Variants in PCDH15 observed in about 807,000 individuals in gnomAD.
PCDH15 encodes the protein protocadherin related 15.
A neutral mutation model predicts 178.5 loss-of-function variants in PCDH15; 129 were observed. That is an observed-to-expected ratio of 0.72 (90% CI 0.63 to 0.84). The LOEUF (loss-of-function observed/expected upper bound fraction) is 0.84, where lower values mean the gene tolerates loss of function less well. Ranked by LOEUF, PCDH15 falls within the 40% of genes least tolerant of loss-of-function variation. The pLI is 0.00. For missense variants in PCDH15, 2,230 were observed against 2,099.9 expected (o/e 1.06, Z -1.21); for synonymous variants, 800 against 732.0 (o/e 1.09, Z -1.50).
chr10:55,249,261 A>G (rs1463985699), intron 1 of PCDH15, among the ~76,000 whole-genome samples: 1 of 152,214 alleles, frequency 6.6e-6, no homozygotes, highest in Admixed American at 6.5e-5. Flanking sequence ...ATCTCTAGAT[A>G]GATAAAGGAC....
At chr10:55,029,766 G>T (rs1350444310) in intron 2 of PCDH15, among the ~76,000 whole-genome samples, 1 of 152,052 alleles carries the variant, frequency 6.6e-6, no homozygotes, top group African/African-American at 2.4e-5. Context: ...ACACTTCTAT[G>T]TAGACAATGA....
intron 3 of PCDH15, among the ~76,000 whole-genome samples, chr10:54,857,794 C>G (rs985199232): frequency 6.6e-6 from 1 of 152,084 alleles, no homozygotes; most frequent in African/African-American, 2.4e-5. Context: ...TTATTTCACT[C>G]TTAGTGCATG....
At chr10:55,122,378 T>C (rs920805978) in intron 2 of PCDH15, among the ~76,000 whole-genome samples, 6 of 152,110 alleles carry the variant, frequency 3.9e-5, no homozygotes, top group African/African-American at 1.2e-4. Flanking sequence ...TTAAGTTGTG[T>C]AAGGATAGGA....
At chr10:54,240,557 C>T (rs1026927699) in intron 8 of PCDH15, among the ~76,000 whole-genome samples, 3 of 150,430 alleles carry the variant, frequency 2.0e-5, no homozygotes, top group African/African-American at 4.9e-5. Context: ...AAGAGAATAA[C>T]AGATGGTGTG....
intron 1 of PCDH15, among the ~76,000 whole-genome samples, chr10:54,718,309 G>A (rs2095505776): frequency 6.6e-6 from 1 of 152,020 alleles, no homozygotes; most frequent in African/African-American, 2.4e-5. Context: ...CAACAGACAA[G>A]TCAACAGCAG....
At chr10:54,161,566 A>G (rs1369424413) in intron 13 of PCDH15, among the ~76,000 whole-genome samples, 3 of 147,134 alleles carry the variant, frequency 2.0e-5, no homozygotes, top group African/African-American at 4.9e-5. Flanking sequence ...TGGTCTTTGA[A>G]TAAACACAGA....
chr10:54,298,350 T>C (rs2059927608), intron 8 of PCDH15, among the ~76,000 whole-genome samples: 1 of 152,178 alleles, frequency 6.6e-6, no homozygotes. Context: ...CTTGGTGTTC[T>C]ATAATAGGGA....
At chr10:55,524,071 T>TTA (rs1841247872) in intron 2 of PCDH15, among the ~76,000 whole-genome samples, 1 of 151,230 alleles carries the variant, frequency 6.6e-6, no homozygotes, top group Non-Finnish European at 1.5e-5. Context: ...TTTTTTTTTT[T>TTA]AGCAGCATTT....
chr10:54,516,827 A>C (rs1589831507), intron 3 of PCDH15, among the ~76,000 whole-genome samples: 1 of 152,228 alleles, frequency 6.6e-6, no homozygotes, highest in East Asian at 1.9e-4. Flanking sequence ...TGGGTTACCC[A>C]CAAAGGGAAG....
intron 20 of PCDH15, among the ~76,000 whole-genome samples, chr10:54,009,133 T>C (rs983587657): frequency 6.6e-6 from 1 of 152,026 alleles, no homozygotes; most frequent in African/African-American, 2.4e-5. Context: ...AAGAGAGGTA[T>C]GAAAAGAAAA....
chr10:53,831,935 C>T (rs1465771117), intron 29 of PCDH15, among the ~76,000 whole-genome samples: 1 of 152,006 alleles, frequency 6.6e-6, no homozygotes, highest in Non-Finnish European at 1.5e-5. Context: ...TTCAGGATAA[C>T]CCTGTAAAGA....
At chr10:54,537,013 T>TTTTTC (rs2084623403) in intron 2 of PCDH15, among the ~76,000 whole-genome samples, 1 of 144,946 alleles carries the variant, frequency 6.9e-6, no homozygotes, top group Non-Finnish European at 1.5e-5. Flanking sequence ...TTTTTTTTTT[T>TTTTTC]TTTTTGAGAC....
intron 25 of PCDH15, among the ~76,000 whole-genome samples, chr10:53,918,807 G>T (rs917751642): frequency 5.3e-5 from 8 of 151,142 alleles, no homozygotes; most frequent in African/African-American, 1.9e-4. Context: ...AATAGATTAC[G>T]GCAAAATTAG....
rs575982179 is a variant in PCDH15 at position 55,021,190 on chromosome 10, C to T, written c.-79-123690G>A. ...AATTTCAACATTCTTTATATCTAAC[C>T]TTTGTTCAGTTCAATCTATCTTGTT... On this transcript the variant is annotated intron_variant, in intron 2 of 5. Transcript: ENST00000458638. Among the ~76,000 whole-genome samples, 29 of 152,244 alleles carry T rather than the reference C, an allele frequency of 1.9e-4. No individual in the cohort carries two copies. The South Asian group carries it at 5.8e-3, about 31-fold the overall frequency.
rs895566841 is a variant in PCDH15 at position 54,443,402 on chromosome 10, GC to G, written c.158-64461del. Among the ~76,000 whole-genome samples, 6 of 151,074 alleles carry G rather than the reference GC, an allele frequency of 4.0e-5. No homozygotes were observed. In the South Asian group the frequency reaches 8.3e-4, roughly 21 times the overall value. ...ATATTAGATGTTGGTAGATATAGAGGCCCATCCTTTAATAAACATCTATGTG... is the reference window on the plus strand; with the variant it reads ...ATATTAGATGTTGGTAGATATAGAGGCCATCCTTTAATAAACATCTATGTG... On this transcript the variant is annotated intron_variant, in intron 3 of 37. Transcript: ENST00000644397.
chr10:54,970,234 C>A (rs757290014), intron 2 of PCDH15, among the ~76,000 whole-genome samples: 1 of 152,134 alleles, frequency 6.6e-6, no homozygotes, highest in Non-Finnish European at 1.5e-5. Context: ...AAATAAATTT[C>A]TGTTTATATA....
intron 2 of PCDH15, among the ~76,000 whole-genome samples, chr10:54,546,747 A>G (rs1469931459): frequency 6.6e-6 from 1 of 152,216 alleles, no homozygotes; most frequent in African/African-American, 2.4e-5. Context: ...CCTTGTTATC[A>G]GTGTCACACA....
chr10:54,222,696 A>C (rs2052979050), intron 9 of PCDH15, among the ~76,000 whole-genome samples: 1 of 152,158 alleles, frequency 6.6e-6, no homozygotes, highest in African/African-American at 2.4e-5. Context: ...GTATGTAGTG[A>C]TATTCATTGA....
At position 53,808,534 on chromosome 10, in the gene PCDH15, A is replaced by G. The variant is rs927388821; in HGVS notation, c.4672-1404T>C. The G allele has an allele frequency of 2.1e-6, 3 of 1,433,462 alleles. No individual in the cohort carries two copies. The African/African-American group carries it at 4.3e-5, about 21-fold the overall frequency. 88.8% of individuals were successfully genotyped at this position (1,433,462 alleles called of 1,614,324 possible). A position where few individuals can be genotyped will look rare whatever the true frequency, so the allele number is the denominator to read the frequency against. On this transcript the variant is annotated intron_variant, in intron 37 of 37. Coordinates refer to ENST00000644397, the MANE Select transcript of PCDH15 (RefSeq NM_001384140.1). ...GTCTAATATACAAATGGATTTGGAC[A>G]ACATATATATTCACTTTTCTGGCAT... is the stretch of plus-strand genomic sequence containing the variant.
Sources: allele counts gnomAD v4.1 joint callset (sites outside exome capture counted in the v4.1 genomes callset), GRCh38; gene constraint gnomAD v4.1.1; transcripts MANE v1.5; gene names NCBI Gene and HGNC (gene_info 2026-07-23, HGNC 2026-07-21).